Variants in OR51B5 observed in about 807,000 individuals in gnomAD.
The protein encoded by OR51B5 is olfactory receptor 51B5.
For missense variants in OR51B5, 456 were observed against 374.6 expected (o/e 1.22, Z -1.79); for synonymous variants, 186 against 144.8 (o/e 1.28, Z -2.04).
chr11:5,455,791 T>C (rs1850949624), intron 1 of OR51B5: 1 of 152,048 alleles, frequency 6.6e-6, no homozygotes, highest in Non-Finnish European at 1.5e-5. Context: ...AAAAATGAGA[T>C]AATGTAAGTA....
chr11:5,340,525 T>TCTA (rs1211161563), downstream of OR51B5: 1 of 152,126 alleles, frequency 6.6e-6, no homozygotes, highest in Non-Finnish European at 1.5e-5. Flanking sequence ...AAAAAGTTCT[T>TCTA]CTACTGCGGT....
chr11:5,496,313 C>T (rs914494702), intron 1 of OR51B5, among the ~76,000 whole-genome samples: 3 of 152,402 alleles, frequency 2.0e-5, no homozygotes, highest in South Asian at 2.1e-4. Flanking sequence ...ATCTCTTATG[C>T]ATTTCTGAGT....
At chr11:5,361,636 C>G (rs12802968) in intron 1 of OR51B5, among the ~76,000 whole-genome samples, 57,582 of 151,778 alleles carry the variant, frequency 0.38, 11,136 homozygotes, top group Non-Finnish European at 0.41. Context: ...GTATAAGAAT[C>G]TATCATCCCA....
intron 1 of OR51B5, among the ~76,000 whole-genome samples, chr11:5,361,684 A>T (rs1393970378): frequency 2.0e-5 from 3 of 152,210 alleles, no homozygotes; most frequent in Non-Finnish European, 1.5e-5. Flanking sequence ...GCTTCTGAAT[A>T]ATCTCTTTTG....
chr11:5,426,464 C>G (rs1337046503), intron 1 of OR51B5, among the ~76,000 whole-genome samples: 2 of 151,956 alleles, frequency 1.3e-5, no homozygotes, highest in African/African-American at 4.8e-5. Context: ...ATGAAACAAC[C>G]ACACTGAAAT....
At chr11:5,357,386 T>A (rs1472379948) in intron 1 of OR51B5, among the ~76,000 whole-genome samples, 3 of 150,814 alleles carry the variant, frequency 2.0e-5, no homozygotes, top group African/African-American at 7.3e-5. Flanking sequence ...AGAAGGCCAT[T>A]ACATAATGGT....
At chr11:5,456,132 TCTCA>T (rs1292478150) in intron 1 of OR51B5, 1 of 152,172 alleles carries the variant, frequency 6.6e-6, no homozygotes, top group Admixed American at 6.5e-5. Context: ...GAAAGTAAAC[TCTCA>T]CTGATTCCTA....
intron 1 of OR51B5, among the ~76,000 whole-genome samples, chr11:5,365,516 A>AG (rs1338212347): frequency 2.0e-5 from 3 of 152,156 alleles, no homozygotes; most frequent in Admixed American, 1.3e-4. Context: ...TGCACAGGAT[A>AG]GGATATGGCT....
chr11:5,350,228 C>T (rs1005859956), intron 1 of OR51B5, among the ~76,000 whole-genome samples: 2 of 152,134 alleles, frequency 1.3e-5, no homozygotes, highest in African/African-American at 4.8e-5. Context: ...GGTTATGTAA[C>T]CAAATCTCAA....
intron 1 of OR51B5, chr11:5,468,757 C>T: frequency 2.2e-6 from 1 of 456,114 alleles, no homozygotes. Context: ...GTAGAATGAG[C>T]ACATAGGAGA....
At chr11:5,395,498 T>TCC (rs992344454) in intron 1 of OR51B5, among the ~76,000 whole-genome samples, 2 of 152,190 alleles carry the variant, frequency 1.3e-5, no homozygotes, top group Admixed American at 1.3e-4. Flanking sequence ...CTATCATATC[T>TCC]CCCGTGATGT....
chr11:5,350,996 T>C (rs781078474), intron 1 of OR51B5, among the ~76,000 whole-genome samples: 5 of 152,212 alleles, frequency 3.3e-5, no homozygotes, highest in Non-Finnish European at 7.3e-5. Context: ...GTATTTGTTT[T>C]TCCATATAAT....
At chr11:5,360,934 G>C (rs1180987150) in intron 1 of OR51B5, among the ~76,000 whole-genome samples, 2 of 149,332 alleles carry the variant, frequency 1.3e-5, no homozygotes, top group Non-Finnish European at 3.0e-5. Context: ...GGTGGGAATT[G>C]AACAATGAGA....
chr11:5,362,649 C>T (rs1360892611), intron 1 of OR51B5: 5 of 190,318 alleles, frequency 2.6e-5, no homozygotes, highest in East Asian at 1.3e-4. Flanking sequence ...TACAACAGCC[C>T]GGTCAACCCA....
Position 5,480,543 on chromosome 11 carries a change from C to T in OR51B5, n.84+25026G>A, listed in dbSNP as rs1330749597. On this transcript the variant is annotated intron_variant and non_coding_transcript_variant, in intron 1 of 4. Coordinates refer to the OR51B5 transcript ENST00000415970. ...TGAAGGAAATAGAGACACAAAAAAC[C>T]CTTCAAAAAATCAATGAATCCAGGA... Among the ~76,000 whole-genome samples, 17 of 150,920 alleles carry T rather than the reference C, an allele frequency of 1.1e-4. No homozygotes were observed. The South Asian group carries it at 3.2e-3, about 28-fold the overall frequency.
rs1489165443 is a variant in OR51B5 at position 5,453,574 on chromosome 11, G to C, written n.84+51995C>G. The C allele has an allele frequency of 6.2e-7, 1 of 1,612,420 alleles. No homozygotes were observed. The highest frequency in any genetic ancestry group is 8.5e-7 in the Non-Finnish European group (1 of 1,179,374). ...GAGAGCTCTCACTCCTGGCTGTCAGGGCCCCTCTGCGTGATGTATGCTGTG... is the reference window on the plus strand; with the variant it reads ...GAGAGCTCTCACTCCTGGCTGTCAGCGCCCCTCTGCGTGATGTATGCTGTG... On this transcript the variant is annotated intron_variant and non_coding_transcript_variant, in intron 1 of 4. Transcript: ENST00000415970.
At chr11:5,402,353 T>C (rs922073503) in intron 1 of OR51B5, among the ~76,000 whole-genome samples, 1 of 152,204 alleles carries the variant, frequency 6.6e-6, no homozygotes, top group Non-Finnish European at 1.5e-5. Flanking sequence ...TGTAATATAA[T>C]TTTCTAGAAC....
intron 1 of OR51B5, chr11:5,453,866 T>TTGTGACCCC: frequency 3.7e-6 from 6 of 1,614,234 alleles, no homozygotes; most frequent in Non-Finnish European, 5.1e-6. Context: ...ATGTGGCCAT[T>TTGTGACCCC]TGTGACCCCT....
chr11:5,352,012 T>C (rs5006885), intron 1 of OR51B5: 2 of 1,612,890 alleles, frequency 1.2e-6, no homozygotes, highest in Admixed American at 3.3e-5. Context: ...CTACTGTCGA[T>C]CCCATGTACT....
Sources: gnomAD v4.1 joint callset for allele counts (sites outside exome capture counted in the v4.1 genomes callset) on GRCh38, gnomAD v4.1.1 for gene constraint, MANE v1.5 for transcripts, NCBI Gene and HGNC (gene_info 2026-07-23, HGNC 2026-07-21) for gene names.